LRCH2: variants seen among roughly 807,000 people sequenced by gnomAD.
LRCH2 encodes the protein leucine rich repeats and calponin homology domain containing 2.
Under a neutral mutation model 68.9 loss-of-function variants are expected in LRCH2, and 38 were observed. The observed-to-expected ratio is 0.55, with a 90% CI of 0.43 to 0.72. The LOEUF is 0.72. Ranked by LOEUF, LRCH2 falls within the 30% of genes least tolerant of loss-of-function variation. The probability of loss-of-function intolerance (pLI) is 0.00; values close to 1 mark genes in which losing one functional copy is unlikely to be tolerated. For missense variants in LRCH2, 528 were observed against 572.9 expected, an observed-to-expected ratio of 0.92 and a Z score of 0.80; for synonymous variants, 191 against 208.1, an observed-to-expected ratio of 0.92 and a Z score of 0.71.
At position 115,137,366 on chromosome X, in the gene LRCH2, G is replaced by T. The variant is rs782333857; in HGVS notation, c.1696-7167C>A. 1.5e-4 allele frequency among the ~76,000 whole-genome samples: 17 copies of T among 110,101 alleles called. No individual in the cohort carries two copies. In the East Asian group the frequency reaches 4.6e-3, roughly 30 times the overall value. ...CACAGATTTAGGGAACAGAAAAAAA[G>T]TTATAGGATGTAAATTTAGACACAG... On this transcript the variant is annotated intron_variant, in intron 14 of 20. Transcript: ENST00000317135.
intron 5 of LRCH2, among the ~76,000 whole-genome samples, chrX:115,175,019 C>T (rs782161041): frequency 9.0e-6 from 1 of 111,563 alleles, no homozygotes; most frequent in African/African-American, 3.3e-5. Context: ...CACCAATGGC[C>T]AATGATGTAA....
chrX:115,203,805 G>A (rs2072946444), intron 1 of LRCH2, among the ~76,000 whole-genome samples: 1 of 112,262 alleles, frequency 8.9e-6, no homozygotes, highest in Non-Finnish European at 1.9e-5. Flanking sequence ...GGCATTGAGA[G>A]CCTGCAGCTT....
intron 6 of LRCH2, among the ~76,000 whole-genome samples, chrX:115,168,795 G>GT (rs1348673195): frequency 4.5e-5 from 5 of 110,750 alleles, no homozygotes; most frequent in East Asian, 2.8e-4. Context: ...AGCCAAAATA[G>GT]TTTTTTTTAA....
chrX:115,212,757 G>C (rs1475986616), intron 1 of LRCH2, among the ~76,000 whole-genome samples: 2 of 109,473 alleles, frequency 1.8e-5, no homozygotes, highest in Non-Finnish European at 3.8e-5. Context: ...GATTGCTTGA[G>C]TCTAGGAGCT....
chrX:115,120,885 A>G (rs2072133612), intron 20 of LRCH2, among the ~76,000 whole-genome samples: 1 of 107,256 alleles, frequency 9.3e-6, no homozygotes, highest in African/African-American at 3.4e-5. Context: ...CATGGATGAA[A>G]CTGGAAATCA....
chrX:115,188,559 G>A (rs916107495), intron 1 of LRCH2, among the ~76,000 whole-genome samples, 189 bp from the exon 2 acceptor site: 3 of 112,155 alleles, frequency 2.7e-5, no homozygotes, highest in Non-Finnish European at 5.6e-5. Flanking sequence ...GGCTGGGCGC[G>A]GTGGCTCACA....
chrX:115,176,974 T>C (rs1363715336), intron 5 of LRCH2, among the ~76,000 whole-genome samples: 1 of 105,795 alleles, frequency 9.5e-6, no homozygotes, highest in Non-Finnish European at 1.9e-5. Context: ...CTCAAACTCC[T>C]GAGCTCAGGC....
chrX:115,228,872 T>A (rs1412320732), intron 1 of LRCH2, among the ~76,000 whole-genome samples: 1 of 111,120 alleles, frequency 9.0e-6, no homozygotes, highest in East Asian at 2.8e-4. Flanking sequence ...CAGTTCCAGA[T>A]CTCTTATGTG....
chrX:115,189,384 A>G, intron 1 of LRCH2: 2 of 1,119,093 alleles, frequency 1.8e-6, no homozygotes, highest in Middle Eastern at 2.5e-4. Flanking sequence ...GAAGGCCGCG[A>G]CTGAACTGCC....
intron 3 of LRCH2, among the ~76,000 whole-genome samples, chrX:115,182,148 C>T (rs1416655708): frequency 9.0e-6 from 1 of 111,150 alleles, no homozygotes; most frequent in African/African-American, 3.3e-5. Context: ...GAACCAATCC[C>T]CCATAGAGGG....
intron 1 of LRCH2, among the ~76,000 whole-genome samples, chrX:115,232,251 GAAAAA>G (rs367690522): frequency 2.3e-4 from 10 of 43,913 alleles, no homozygotes; most frequent in Non-Finnish European, 4.9e-4. Context: ...AGAACAATAA[GAAAAA>G]AAAAAAAAAG....
chrX:115,187,853 C>T (rs1214550453), intron 2 of LRCH2, among the ~76,000 whole-genome samples: 2 of 112,708 alleles, frequency 1.8e-5, no homozygotes, highest in Non-Finnish European at 3.7e-5. Flanking sequence ...AAATCTGTAT[C>T]GTGGTGCTAT....
rs782147118 is a variant in LRCH2 at position 115,192,885 on chromosome X, T to G, written c.350-4515A>C. 5.6e-5 allele frequency: 20 copies of G among 358,966 alleles called. No homozygotes were observed. The South Asian group carries it at 7.6e-4, about 14-fold the overall frequency. The allele number at this position is 358,966 out of a possible 1,213,427, so 29.6% of individuals were successfully genotyped here. ...TAAGATATGAACCTGAGTCTTAGTCTTCTTCTATTTACAAGTTGAAATACG... is the reference window on the plus strand; with the variant it reads ...TAAGATATGAACCTGAGTCTTAGTCGTCTTCTATTTACAAGTTGAAATACG... On this transcript the variant is annotated intron_variant, in intron 1 of 20. Transcript: ENST00000317135.
intron 20 of LRCH2, among the ~76,000 whole-genome samples, chrX:115,121,687 C>A (rs1011866129): frequency 5.4e-5 from 6 of 111,975 alleles, no homozygotes; most frequent in Non-Finnish European, 1.1e-4. Context: ...ACAAAACCAT[C>A]ACATCAACTA....
chrX:115,220,596 A>G (rs1241754671), intron 1 of LRCH2, among the ~76,000 whole-genome samples: 1 of 111,633 alleles, frequency 9.0e-6, no homozygotes, highest in East Asian at 2.8e-4. Context: ...ATGCTAAAAC[A>G]CAATTTTAAA....
At position 115,184,456 on chromosome X, in the gene LRCH2, T is replaced by C; in HGVS notation, c.576A>G (p.Val192=). ...KVLVVSNNKL[V]SIPEEIGKLK... ...ACTTCCCAATTTCTTCTGGAATGGA[T>C]ACCAGTTTATTATTACTGACGACCA... is the stretch of plus-strand genomic sequence containing the variant. Residue 192 remains valine (V), a synonymous_variant, in exon 3 of 21, where the codon GTA becomes GTG. Transcript: ENST00000317135. 1 of 1,186,912 alleles carries C rather than the reference T, an allele frequency of 8.4e-7. No homozygotes were observed. Among genetic ancestry groups the C allele is most frequent in the Non-Finnish European group, 1.1e-6 (1 of 880,786 alleles).
chrX:115,148,794 T>C (rs1556537378), intron 14 of LRCH2, among the ~76,000 whole-genome samples: 1 of 111,680 alleles, frequency 9.0e-6, no homozygotes, highest in East Asian at 2.8e-4. Context: ...CCAGGAAATG[T>C]AAGACTCATT....
rs192657922 is a variant in LRCH2, at chrX:115,143,814, G to A, written c.1695+6013C>T. On this transcript the variant is annotated intron_variant, in intron 14 of 20. Transcript: ENST00000317135. ...AGTGGGATTTATTCCAGGGATGCAA[G>A]CATGGTTCAACATATGCAAATCAAT... Among the ~76,000 whole-genome samples the A allele has an allele frequency of 2.7e-5, 3 of 112,042 alleles. No homozygotes were observed. In the East Asian group the frequency reaches 8.5e-4, roughly 32 times the overall value.
intron 20 of LRCH2, among the ~76,000 whole-genome samples, chrX:115,120,892 A>G (rs1398514714): frequency 1.0e-4 from 11 of 107,200 alleles, no homozygotes; most frequent in African/African-American, 3.4e-4. Context: ...GAAACTGGAA[A>G]TCATCATTCT....
Sources: gnomAD v4.1 joint callset for allele counts (sites outside exome capture counted in the v4.1 genomes callset) on GRCh38, gnomAD v4.1.1 for gene constraint, MANE v1.5 for transcripts, NCBI Gene and HGNC (gene_info 2026-07-23, HGNC 2026-07-21) for gene names.